Variants in TG observed in about 807,000 individuals in gnomAD.
TG encodes thyroid hormones.
TG carries 270 observed loss-of-function variants against 324.7 expected under a neutral mutation model. That is an observed-to-expected ratio of 0.83 (90% CI 0.75 to 0.92). The LOEUF (loss-of-function observed/expected upper bound fraction) is 0.92. Among genes scored for constraint, TG ranks in the 40% least tolerant of loss-of-function variants. TG has a pLI of 0.00. For missense variants in TG, 3,591 were observed against 3,456.4 expected, an observed-to-expected ratio of 1.04 and a Z score of -0.98; for synonymous variants, 1,401 against 1,327.0, an observed-to-expected ratio of 1.06 and a Z score of -1.21.
At chr8:132,902,409 G>A (rs1394851363) in intron 16 of TG, among the ~76,000 whole-genome samples, 1 of 152,112 alleles carries the variant, frequency 6.6e-6, no homozygotes, top group Non-Finnish European at 1.5e-5. Context: ...CAGAAGCAGG[G>A]GTGGGAGGGA....
At chr8:132,909,633 C>G (rs1229053062) in intron 18 of TG, among the ~76,000 whole-genome samples, 1 of 152,142 alleles carries the variant, frequency 6.6e-6, no homozygotes, top group Non-Finnish European at 1.5e-5. Context: ...ACTTTCAAGT[C>G]AGATGGATCT....
At position 132,881,909 on chromosome 8, in the gene TG, C is replaced by T. The variant is rs1814696233; in HGVS notation, c.685C>T (p.Pro229Ser). ...CTTCAGTTCCTTCCAGAGGAGGTTC[C>T]CTGAGGTATCTGGGTATTGCCACTG... ...VTFSSFQRRF[P>S]EVSGYCHCAD... Residue 229 changes from proline to serine, a missense_variant, in exon 6 of 48, where the codon CCT becomes TCT. By Grantham distance (74) the Pro-to-Ser change is moderately conservative (BLOSUM62 -1). Transcript: ENST00000220616. 1 of 1,614,062 alleles carries T rather than the reference C, an allele frequency of 6.2e-7. No homozygotes were observed. The highest frequency in any genetic ancestry group is 1.7e-5 in the Admixed American group (1 of 59,992).
At chr8:133,034,168 G>C (rs536053363) in intron 41 of TG, among the ~76,000 whole-genome samples, 5 of 152,130 alleles carry the variant, frequency 3.3e-5, no homozygotes, top group Admixed American at 1.3e-4. Flanking sequence ...TAATATTTTT[G>C]CTGGGAGTTG....
intron 41 of TG, among the ~76,000 whole-genome samples, chr8:133,057,940 G>A (rs986330097): frequency 1.3e-5 from 2 of 152,156 alleles, no homozygotes; most frequent in Admixed American, 6.5e-5. Flanking sequence ...GTCTGTGGAG[G>A]GTCTGTGGTG....
rs535063015 is a variant in TG, at chr8:133,123,303, A to G, written c.7862+6587A>G. ...CCTTGGAACCCCCTCAAGCAGATGG[A>G]GTGTGCCAGAGAAACAGAGGGGTGG... is the stretch of plus-strand genomic sequence containing the variant. On this transcript the variant is annotated intron_variant, in intron 45 of 47. Coordinates refer to ENST00000220616, the MANE Select transcript of TG (RefSeq NM_003235.5). Among the ~76,000 whole-genome samples the G allele has an allele frequency of 2.0e-5, 3 of 151,970 alleles. No individual in the cohort carries two copies. The East Asian group carries it at 5.8e-4, about 30-fold the overall frequency.
At chr8:133,064,511 G>A (rs1842803168) in intron 41 of TG, among the ~76,000 whole-genome samples, 1 of 152,104 alleles carries the variant, frequency 6.6e-6, no homozygotes. Context: ...TCCTGGAGCT[G>A]GAAACCTCAC....
intron 14 of TG, 47 bp from the exon 15 acceptor site, chr8:132,900,190 A>C: frequency 9.6e-6 from 15 of 1,560,922 alleles, no homozygotes; most frequent in Non-Finnish European, 1.2e-5. Context: ...GTTGGCCACT[A>C]GAGCATCTTG....
intron 41 of TG, among the ~76,000 whole-genome samples, chr8:133,075,664 G>A (rs1844759701): frequency 6.6e-6 from 1 of 152,166 alleles, no homozygotes; most frequent in African/African-American, 2.4e-5. Context: ...TAAAAGAAAA[G>A]CTGCATCCCT....
rs140290807 is a variant in TG, at chr8:132,880,012, G to A, written c.639-1851G>A. Among the ~76,000 whole-genome samples, 668 of 152,314 alleles carry A rather than the reference G, an allele frequency of 4.4e-3. 3 individuals are homozygous for A. Among genetic ancestry groups the A allele is most frequent in the Non-Finnish European group, 8.1e-3 (548 of 68,034 alleles). On this transcript the variant is annotated intron_variant, in intron 5 of 47. Transcript: ENST00000220616. Reference sequence around the variant, plus strand: ...GGAATGTGTTTCAGAACCCACCTCGGGCCAGCACTTGTGTCATCAACATCT... The same window carrying A: ...GGAATGTGTTTCAGAACCCACCTCGAGCCAGCACTTGTGTCATCAACATCT...
At chr8:132,942,438 T>G (rs1278619686) in intron 26 of TG, among the ~76,000 whole-genome samples, 3 of 152,176 alleles carry the variant, frequency 2.0e-5, no homozygotes, top group African/African-American at 4.8e-5. Context: ...TCACATTAAA[T>G]TTATGAAAAA....
At chr8:132,902,046 A>G (rs909993915) in intron 16 of TG, among the ~76,000 whole-genome samples, 1 of 152,142 alleles carries the variant, frequency 6.6e-6, no homozygotes, top group African/African-American at 2.4e-5. Context: ...ATTAAAATAT[A>G]TTATTATTGA....
rs367954196 is a variant in TG at position 132,967,864 on chromosome 8, C to T, written c.5757C>T (p.Cys1919=). The part of the protein sequence containing the change: ...ITESASLYFT[C]TLYPEAQVCD... ...AGAGTGCATCCTTGTACTTCACCTG[C>T]ACCCTCTACCCAGAGGCACAGGTGT... The change falls in exon 31 of 48, where the codon TGC becomes TGT. Residue 1919 remains cysteine (C), a synonymous_variant. Coordinates refer to ENST00000220616, the MANE Select transcript of TG (RefSeq NM_003235.5). 18 of 1,613,872 alleles carry T rather than the reference C, an allele frequency of 1.1e-5. No homozygotes were observed. The highest frequency in any genetic ancestry group is 1.6e-4 in the Middle Eastern group (1 of 6,082).
chr8:133,119,024 G>A (rs575325191), intron 45 of TG, among the ~76,000 whole-genome samples: 20 of 152,336 alleles, frequency 1.3e-4, no homozygotes, highest in South Asian at 2.1e-4. Context: ...AGGAATGCCA[G>A]TAGCAGCCAG....
At chr8:132,893,402 ATG>A (rs1816600757) in intron 10 of TG, among the ~76,000 whole-genome samples, 1 of 87,284 alleles carries the variant, frequency 1.1e-5, no homozygotes, top group Non-Finnish European at 2.1e-5. Flanking sequence ...GGTGGTGTGT[ATG>A]TGTGTGGTGT....
In TG at chr8:132,971,839, T is replaced by C. The variant is rs766220666; in HGVS notation, c.6021T>C (p.Thr2007=). Residue 2007 remains threonine, a synonymous_variant, in exon 33 of 48, where the codon ACT becomes ACC. Coordinates refer to ENST00000220616, the MANE Select transcript of TG (RefSeq NM_003235.5). Reference sequence around the variant, plus strand: ...GGTGCGATGCGGACCCATGCTGCACTGGCTTTGGATTTCTAAATGTTTCCC... The same window carrying C: ...GGTGCGATGCGGACCCATGCTGCACCGGCTTTGGATTTCTAAATGTTTCCC... ...ERRCDADPCC[T]GFGFLNVSQL... 1 of 1,613,862 alleles carries C rather than the reference T, an allele frequency of 6.2e-7. No individual in the cohort carries two copies. Among genetic ancestry groups the C allele is most frequent in the Non-Finnish European group, 8.5e-7 (1 of 1,179,762 alleles).
In TG at chr8:132,906,916, G is replaced by A. The variant is rs202174201; in HGVS notation, c.3847+16G>A. 1.5e-5 allele frequency: 24 copies of A among 1,603,462 alleles called. No homozygotes were observed. In the East Asian group the frequency reaches 1.8e-4, roughly 12 times the overall value. ...GCCTGCCAACGTGAGTGGCATCAGA[G>A]CATCTATCCTGCACCCCGCTCCCTC... On this transcript the variant is annotated intron_variant, in intron 17 of 47. Coordinates refer to ENST00000220616, the MANE Select transcript of TG (RefSeq NM_003235.5).
At chr8:132,920,507 A>T (rs1820952992) in intron 21 of TG, among the ~76,000 whole-genome samples, 2 of 152,236 alleles carry the variant, frequency 1.3e-5, no homozygotes, top group South Asian at 4.1e-4. Context: ...CTTCCTGGAG[A>T]ATAAACTCTT....
chr8:133,057,767 C>CAAA (rs1259442790), intron 41 of TG, among the ~76,000 whole-genome samples: 1 of 91,680 alleles, frequency 1.1e-5, no homozygotes, highest in African/African-American at 3.5e-5. Context: ...TTTAGCAAAA[C>CAAA]AAAAAACAAA....
At chr8:132,874,308 T>A (rs1839765802) in intron 5 of TG, among the ~76,000 whole-genome samples, 1 of 152,228 alleles carries the variant, frequency 6.6e-6, no homozygotes, top group African/African-American at 2.4e-5. Context: ...ATACGTGCAC[T>A]TACAAATAAC....
Sources: gnomAD v4.1 joint callset for allele counts (sites outside exome capture counted in the v4.1 genomes callset) on GRCh38, gnomAD v4.1.1 for gene constraint, MANE v1.5 for transcripts, NCBI Gene and HGNC (gene_info 2026-07-23, HGNC 2026-07-21) for gene names.